Variants in SESTD1 observed in about 807,000 individuals in gnomAD.
SESTD1 encodes SEC14 and spectrin domain containing 1, also known as SEC14 domain and spectrin repeat-containing protein 1.
A neutral mutation model predicts 101.7 loss-of-function variants in SESTD1; 43 were observed. The ratio of observed to expected loss-of-function variants is 0.42; its 90% CI spans 0.33 to 0.55. SESTD1 has a LOEUF of 0.55. Among genes scored for constraint, SESTD1 ranks in the 20% least tolerant of loss-of-function variants. The pLI is 0.07. For synonymous variants in SESTD1, 283 were observed against 286.8 expected (o/e 0.99, Z 0.13); for missense variants, 647 against 815.1 (o/e 0.79, Z 2.51).
rs554997766 is a variant in SESTD1 at position 179,212,364 on chromosome 2, A to G, written c.-25-20498T>C. On this transcript the variant is annotated intron_variant, in intron 1 of 17. Coordinates refer to ENST00000428443, the MANE Select transcript of SESTD1 (RefSeq NM_178123.5). ...AATTCTCTCCTATGCCTGGTTCAGC[A>G]GGTCCCATGCCCACGGAGCTTGCTC... Among the ~76,000 whole-genome samples, 8 of 136,782 alleles carry G rather than the reference A, an allele frequency of 5.8e-5. 2 individuals are homozygous for G. In the South Asian group the frequency reaches 1.9e-3, roughly 33 times the overall value. The allele number at this position is 136,782 out of a possible 152,430, so 89.7% of individuals were successfully genotyped here.
chr2:179,169,552 T>A (rs1264055393), intron 5 of SESTD1, among the ~76,000 whole-genome samples: 2 of 152,160 alleles, frequency 1.3e-5, no homozygotes, highest in African/African-American at 4.8e-5. Flanking sequence ...AACATTACCA[T>A]GGATAGAGAA....
intron 1 of SESTD1, among the ~76,000 whole-genome samples, chr2:179,194,066 G>A (rs2046356082): frequency 6.6e-6 from 1 of 152,058 alleles, no homozygotes; most frequent in Admixed American, 6.5e-5. Context: ...TGACATTTTG[G>A]ATGGCCTTTC....
intron 1 of SESTD1, among the ~76,000 whole-genome samples, chr2:179,248,016 C>G (rs567546723): frequency 6.6e-6 from 1 of 151,558 alleles, no homozygotes; most frequent in Non-Finnish European, 1.5e-5. Flanking sequence ...AATTTAAGCT[C>G]CCATCTCAAG....
At chr2:179,254,916 T>C (rs2047370017) in intron 1 of SESTD1, among the ~76,000 whole-genome samples, 1 of 152,220 alleles carries the variant, frequency 6.6e-6, no homozygotes, top group Non-Finnish European at 1.5e-5. Flanking sequence ...CTGTGTCACA[T>C]TTTGGTAATT....
intron 6 of SESTD1, among the ~76,000 whole-genome samples, chr2:179,149,776 CAT>C (rs1258619548): frequency 1.3e-5 from 2 of 152,200 alleles, no homozygotes; most frequent in Non-Finnish European, 2.9e-5. Flanking sequence ...ATCACCAACA[CAT>C]GTTGGTTTCA....
At chr2:179,114,997 A>C in intron 16 of SESTD1, 68 bp downstream of exon 16, 2 of 1,356,020 alleles carry the variant, frequency 1.5e-6, no homozygotes, top group Non-Finnish European at 2.0e-6. Context: ...TACATTACTA[A>C]AATTAACATA....
At chr2:179,172,269 T>G (rs377466735) in intron 4 of SESTD1, 36 bp from the exon 5 acceptor site, 1 of 1,347,962 alleles carries the variant, frequency 7.4e-7, no homozygotes, top group South Asian at 1.3e-5. Flanking sequence ...AAATTACACA[T>G]GTAAAATGAA....
intron 6 of SESTD1, among the ~76,000 whole-genome samples, chr2:179,149,669 A>C (rs1445578636): frequency 6.6e-6 from 1 of 152,232 alleles, no homozygotes; most frequent in Non-Finnish European, 1.5e-5. Context: ...TTTCTTTGAG[A>C]AACATTTGCA....
chr2:179,183,309 T>C (rs2046151032), intron 2 of SESTD1, 121 bp from the exon 3 acceptor site: 3 of 552,294 alleles, frequency 5.4e-6, no homozygotes, highest in Non-Finnish European at 8.6e-6. Flanking sequence ...TTGGAAAATA[T>C]CTAATGGCTA....
chr2:179,258,358 T>C (rs889549617), intron 1 of SESTD1, among the ~76,000 whole-genome samples: 6 of 152,220 alleles, frequency 3.9e-5, no homozygotes, highest in African/African-American at 7.2e-5. Flanking sequence ...GCATTTTGTT[T>C]CATACATCCC....
In SESTD1 at chr2:179,115,214, C is replaced by G; in HGVS notation, c.1690G>C (p.Val564Leu). 6.2e-7 allele frequency: 1 copy of G among 1,609,210 alleles called. No individual in the cohort carries two copies. Among genetic ancestry groups the G allele is most frequent in the Non-Finnish European group, 8.5e-7 (1 of 1,178,834 alleles). ...GTGCAGCGCAAAGATTGGCATAACA[C>G]AACTGTGGCCTGTAGCAACTGCCTG... ...YGRQLLQATVVLCQSLRCTSR... is the reference protein window; with the variant it reads ...YGRQLLQATVLLCQSLRCTSR... Residue 564 changes from valine to leucine, a missense_variant, in exon 16 of 18, where the codon GTG becomes CTG. Around this residue, in one of 3 missense-constraint regions of SESTD1, gnomAD observed 476 missense variants for 562.6 expected, o/e 0.85. Coordinates refer to ENST00000428443, the MANE Select transcript of SESTD1 (RefSeq NM_178123.5).
intron 3 of SESTD1, among the ~76,000 whole-genome samples, chr2:179,182,582 T>A (rs2046134499): frequency 6.6e-6 from 1 of 152,120 alleles, no homozygotes; most frequent in Admixed American, 6.6e-5. Context: ...GAGGGTTAAG[T>A]TGGGTCTTCA....
intron 1 of SESTD1, among the ~76,000 whole-genome samples, chr2:179,196,890 A>G (rs1259165689): frequency 6.6e-6 from 1 of 152,246 alleles, no homozygotes; most frequent in Non-Finnish European, 1.5e-5. Flanking sequence ...AAACTCTGAA[A>G]AGCAGAGCGC....
chr2:179,233,738 G>GC (rs1191637280), intron 1 of SESTD1, among the ~76,000 whole-genome samples: 6 of 152,358 alleles, frequency 3.9e-5, no homozygotes, highest in African/African-American at 1.4e-4. Context: ...ACAGGCATGA[G>GC]CCACCACATC....
rs759676828 is a variant in SESTD1, at chr2:179,214,972, G to A, written c.-25-23106C>T. Among the ~76,000 whole-genome samples, 12 of 134,620 alleles carry A rather than the reference G, an allele frequency of 8.9e-5. 1 individual carries two copies. Among genetic ancestry groups the A allele is most frequent in the African/African-American group, 1.8e-4 (6 of 33,920 alleles). The allele number at this position is 134,620 out of a possible 152,430, so 88.3% of individuals were successfully genotyped here. A position where few individuals can be genotyped will look rare whatever the true frequency, so the allele number is the denominator to read the frequency against. On this transcript the variant is annotated intron_variant, in intron 1 of 17. Coordinates refer to ENST00000428443, the MANE Select transcript of SESTD1 (RefSeq NM_178123.5). ...AAAGACACAATGTACCAGAATCTCC[G>A]AGACACATTTAAAGCAGCATGTAGA...
intron 6 of SESTD1, among the ~76,000 whole-genome samples, chr2:179,149,720 G>A (rs537489380): frequency 6.2e-4 from 95 of 152,242 alleles, no homozygotes; most frequent in Non-Finnish European, 1.1e-3. Context: ...TTTAGAACAC[G>A]CTAAGTCTCT....
At chr2:179,252,686 T>C (rs1309846496) in intron 1 of SESTD1, among the ~76,000 whole-genome samples, 1 of 152,220 alleles carries the variant, frequency 6.6e-6, no homozygotes. Context: ...GGGGCTTTGC[T>C]TTTTATTTTG....
chr2:179,130,176 A>C (rs950014059), intron 10 of SESTD1, among the ~76,000 whole-genome samples: 1 of 152,186 alleles, frequency 6.6e-6, no homozygotes, highest in Non-Finnish European at 1.5e-5. Context: ...AAAATTTAGT[A>C]GCTTTCTCTA....
intron 1 of SESTD1, among the ~76,000 whole-genome samples, chr2:179,202,033 T>G (rs565524612): frequency 7.6e-6 from 1 of 131,580 alleles, no homozygotes; most frequent in Non-Finnish European, 1.6e-5. Context: ...ATAAGAAGGT[T>G]TGTAAAGGGA....
Sources: allele counts gnomAD v4.1 joint callset (sites outside exome capture counted in the v4.1 genomes callset), GRCh38; gene constraint gnomAD v4.1.1; regional missense constraint gnomAD v4.1.1; transcripts MANE v1.5; gene names NCBI Gene and HGNC (gene_info 2026-07-23, HGNC 2026-07-21).